The following SRBD1 variants were observed in gnomAD, a reference collection of about 807,000 sequenced individuals.
SRBD1 encodes S1 RNA-binding domain-containing protein 1.
A neutral mutation model predicts 115.3 loss-of-function variants in SRBD1; 88 were observed. That is an observed-to-expected ratio of 0.76 (90% CI 0.64 to 0.91). The LOEUF (loss-of-function observed/expected upper bound fraction) is 0.91. Among genes scored for constraint, SRBD1 ranks in the 40% least tolerant of loss-of-function variants. The pLI is 0.00. For synonymous variants in SRBD1, 509 were observed against 407.7 expected, an observed-to-expected ratio of 1.25 and a Z score of -2.99; for missense variants, 1,385 against 1,177.4, an observed-to-expected ratio of 1.18 and a Z score of -2.58.
intron 14 of SRBD1, among the ~76,000 whole-genome samples, chr2:45,515,722 G>A (rs1671098961): frequency 6.6e-6 from 1 of 151,942 alleles, no homozygotes; most frequent in Non-Finnish European, 1.5e-5. Context: ...TAATAGAGAA[G>A]GTATGAAAAC....
chr2:45,477,892 T>C (rs2103822262), intron 15 of SRBD1, among the ~76,000 whole-genome samples: 1 of 152,158 alleles, frequency 6.6e-6, no homozygotes, highest in East Asian at 1.9e-4. Flanking sequence ...CAATCCATGC[T>C]CAAGAAACTT....
intron 10 of SRBD1, among the ~76,000 whole-genome samples, chr2:45,555,414 C>A (rs1185453619): frequency 6.6e-6 from 1 of 151,866 alleles, no homozygotes; most frequent in Admixed American, 6.6e-5. Context: ...AAAACCCAGC[C>A]CAGAATTTTT....
intron 14 of SRBD1, among the ~76,000 whole-genome samples, chr2:45,510,678 T>A (rs935430623): frequency 2.0e-5 from 3 of 152,238 alleles, no homozygotes; most frequent in Admixed American, 6.5e-5. Flanking sequence ...TTGTTTCTTG[T>A]CAAATTAAAA....
chr2:45,610,996 G>A (rs1388159786), intron 1 of SRBD1, among the ~76,000 whole-genome samples: 1 of 152,104 alleles, frequency 6.6e-6, no homozygotes, highest in Non-Finnish European at 1.5e-5. Flanking sequence ...GCAGCAATTT[G>A]GCTGAAAAGA....
intron 16 of SRBD1, among the ~76,000 whole-genome samples, chr2:45,427,161 T>C (rs1039704266): frequency 1.3e-5 from 2 of 151,994 alleles, no homozygotes; most frequent in African/African-American, 4.8e-5. Flanking sequence ...GCAATCCTAG[T>C]CTCTAACCAG....
chr2:45,542,813 G>A (rs970796319), intron 14 of SRBD1, among the ~76,000 whole-genome samples: 2 of 152,138 alleles, frequency 1.3e-5, no homozygotes, highest in African/African-American at 4.8e-5. Context: ...TCCATCAACA[G>A]GTGATTGAAT....
intron 16 of SRBD1, among the ~76,000 whole-genome samples, chr2:45,436,233 T>C (rs1286579265): frequency 2.0e-5 from 3 of 151,968 alleles, no homozygotes; most frequent in Non-Finnish European, 2.9e-5. Context: ...AAATTCTCAA[T>C]AAACTAAGAA....
chr2:45,555,031 C>A (rs768599748), intron 10 of SRBD1, among the ~76,000 whole-genome samples: 1 of 151,812 alleles, frequency 6.6e-6, no homozygotes, highest in Non-Finnish European at 1.5e-5. Context: ...TTTTATCCCC[C>A]TTACCCCAAC....
chr2:45,527,201 C>G (rs1006166236), intron 14 of SRBD1, among the ~76,000 whole-genome samples: 1 of 151,734 alleles, frequency 6.6e-6, no homozygotes. Flanking sequence ...GGGGGGCCAG[C>G]AAGTTTTAAA....
intron 14 of SRBD1, among the ~76,000 whole-genome samples, chr2:45,526,081 C>T (rs1421402889): frequency 6.6e-6 from 1 of 151,958 alleles, no homozygotes; most frequent in Admixed American, 6.6e-5. Flanking sequence ...ACAGAGTTAC[C>T]ACAATACTTC....
intron 1 of SRBD1, among the ~76,000 whole-genome samples, chr2:45,606,889 T>C (rs1384866515): frequency 6.6e-6 from 1 of 152,242 alleles, no homozygotes. Flanking sequence ...TCATATGTTA[T>C]AATGCCTCTG....
At chr2:45,393,251 T>G in intron 19 of SRBD1, 122 bp from the exon 20 acceptor site, 2 of 1,000,776 alleles carry the variant, frequency 2.0e-6, no homozygotes. Context: ...CAGTCTTTAT[T>G]GAGAATCTAT....
intron 14 of SRBD1, among the ~76,000 whole-genome samples, chr2:45,506,784 C>A (rs182370883): frequency 3.8e-4 from 58 of 152,302 alleles, no homozygotes; most frequent in African/African-American, 1.3e-3. Flanking sequence ...GTATGTTCTA[C>A]AGTTTAAAAA....
At position 45,389,232 on chromosome 2, in the gene SRBD1, G is replaced by A; in HGVS notation, c.*78C>T. 5 of 1,502,336 alleles carry A rather than the reference G, an allele frequency of 3.3e-6. No homozygotes were observed. The highest frequency in any genetic ancestry group is 4.2e-5 in the Admixed American group (2 of 47,798). The allele number at this position is 1,502,336 out of a possible 1,614,324, so 93.1% of individuals were successfully genotyped here. A position where few individuals can be genotyped will look rare whatever the true frequency, so the allele number is the denominator to read the frequency against. ...AATTATTTCTCATCTGCTACCTAGA[G>A]TTTACAAACAACTGACTTATCCTTG... On this transcript the variant is annotated 3_prime_UTR_variant, in exon 21 of 21. Coordinates refer to ENST00000263736, the MANE Select transcript of SRBD1 (RefSeq NM_018079.5).
At chr2:45,603,643 T>C (rs560660194) in intron 2 of SRBD1, among the ~76,000 whole-genome samples, 173 of 152,234 alleles carry the variant, frequency 1.1e-3, no homozygotes, top group African/African-American at 3.9e-3. Context: ...GATTCTCACG[T>C]CTCAGTCCCC....
chr2:45,445,967 T>G (rs992395938), intron 16 of SRBD1, among the ~76,000 whole-genome samples: 2 of 152,134 alleles, frequency 1.3e-5, no homozygotes, highest in Admixed American at 6.6e-5. Context: ...ACTTCAGTAT[T>G]AGGTGTCTTG....
At chr2:45,420,097 A>C (rs978980121) in intron 16 of SRBD1, among the ~76,000 whole-genome samples, 1 of 152,210 alleles carries the variant, frequency 6.6e-6, no homozygotes, top group African/African-American at 2.4e-5. Context: ...TATATACCTA[A>C]TTTGAATATA....
chr2:45,415,423 A>ATAG (rs548626095), intron 18 of SRBD1, among the ~76,000 whole-genome samples: 4 of 97,918 alleles, frequency 4.1e-5, no homozygotes, highest in African/African-American at 5.7e-5. Flanking sequence ...TAGTGTGTAT[A>ATAG]TGTGTATATA....
intron 14 of SRBD1, among the ~76,000 whole-genome samples, chr2:45,522,745 A>T (rs2103959751): frequency 6.6e-6 from 1 of 152,324 alleles, no homozygotes; most frequent in East Asian, 1.9e-4. Context: ...TCAATCAATA[A>T]TAAGTATATT....
Sources: gnomAD v4.1 joint callset for allele counts (sites outside exome capture counted in the v4.1 genomes callset) on GRCh38, gnomAD v4.1.1 for gene constraint, MANE v1.5 for transcripts, NCBI Gene and HGNC (gene_info 2026-07-23, HGNC 2026-07-21) for gene names.